ZNF800: variants seen among roughly 807,000 people sequenced by gnomAD.
The protein encoded by ZNF800 is zinc finger protein 800.
ZNF800 carries 13 observed loss-of-function variants against 59.5 expected under a neutral mutation model. The observed-to-expected ratio is 0.22, with a 90% CI of 0.14 to 0.35. The LOEUF is 0.35. Among genes scored for constraint, ZNF800 ranks in the 10% least tolerant of loss-of-function variants. The pLI, the probability that ZNF800 is intolerant of heterozygous loss-of-function variation, is 1.00. For synonymous variants in ZNF800, 266 were observed against 265.7 expected (o/e 1.00, Z -0.01); for missense variants, 621 against 783.7 (o/e 0.79, Z 2.48).
chr7:127,369,612 G>A (rs1217379119), downstream of ZNF800, among the ~76,000 whole-genome samples: 1 of 152,044 alleles, frequency 6.6e-6, no homozygotes, highest in Non-Finnish European at 1.5e-5. Context: ...CAGCTATTAT[G>A]ATAAAATGTT....
chr7:127,350,535 C>A (rs535693306), intron 1 of ZNF800: 1 of 152,238 alleles, frequency 6.6e-6, no homozygotes, highest in East Asian at 1.9e-4. Context: ...TTTAATAGAA[C>A]GAAAGCAGAA....
At chr7:127,383,578 A>G (rs1030572024) in intron 3 of ZNF800, among the ~76,000 whole-genome samples, 1 of 152,212 alleles carries the variant, frequency 6.6e-6, no homozygotes, top group African/African-American at 2.4e-5. Context: ...TTTGTCCCCA[A>G]GTTATACAGT....
At chr7:127,380,259 G>A (rs1326561692) in intron 3 of ZNF800, among the ~76,000 whole-genome samples, 2 of 152,094 alleles carry the variant, frequency 1.3e-5, no homozygotes, top group African/African-American at 4.8e-5. Flanking sequence ...GAACAGAGAA[G>A]ATATTCTTGA....
chr7:127,387,917 A>C (rs1185507236), intron 2 of ZNF800, among the ~76,000 whole-genome samples: 1 of 147,730 alleles, frequency 6.8e-6, no homozygotes, highest in Non-Finnish European at 1.5e-5. Flanking sequence ...ATTAATTAAG[A>C]ACACACACAC....
At chr7:127,381,675 A>C (rs1485605451) in intron 3 of ZNF800, among the ~76,000 whole-genome samples, 1 of 152,116 alleles carries the variant, frequency 6.6e-6, no homozygotes, top group East Asian at 1.9e-4. Context: ...TGGGAACGTA[A>C]CACCAGATGA....
intron 1 of ZNF800, chr7:127,362,997 T>C (rs1368201726): frequency 6.6e-6 from 1 of 152,130 alleles, no homozygotes; most frequent in Admixed American, 6.6e-5. Context: ...AGAGGCAGGA[T>C]GGATAGGCAT....
chr7:127,344,451 A>T (rs775191137), downstream of ZNF800, among the ~76,000 whole-genome samples: 1 of 152,124 alleles, frequency 6.6e-6, no homozygotes, highest in Non-Finnish European at 1.5e-5. Flanking sequence ...TCCCCAAATT[A>T]GTCTATATTG....
intron 5 of ZNF800, chr7:127,372,991 C>T: frequency 1.0e-6 from 1 of 985,196 alleles, no homozygotes; most frequent in Non-Finnish European, 1.2e-6. Context: ...TCAAATTAAA[C>T]CTGTGCAAAG....
At chr7:127,353,564 A>G (rs911786935) in intron 1 of ZNF800, among the ~76,000 whole-genome samples, 2 of 152,212 alleles carry the variant, frequency 1.3e-5, no homozygotes, top group Non-Finnish European at 2.9e-5. Context: ...TTGGAGTCTA[A>G]TAGTATTTTC....
rs955163136 is a variant in ZNF800, at chr7:127,392,110, G to C, written c.-109C>G. The C allele has an allele frequency of 1.3e-5, 5 of 392,958 alleles. No homozygotes were observed. The highest frequency in any genetic ancestry group is 2.2e-5 in the Non-Finnish European group (5 of 222,692). The allele number at this position is 392,958 out of a possible 1,614,324, so 24.3% of individuals were successfully genotyped here. A position where few individuals can be genotyped will look rare whatever the true frequency, so the allele number is the denominator to read the frequency against. ...CGGGCGGAAGGAAGGAAGGCAGGCCGGGCGGCCGCGGGGACAGCCTGGCGT... is the reference window on the plus strand; with the variant it reads ...CGGGCGGAAGGAAGGAAGGCAGGCCCGGCGGCCGCGGGGACAGCCTGGCGT... On this transcript the variant is annotated 5_prime_UTR_variant, in exon 1 of 6. Transcript: ENST00000265827.
exon 2 of ZNF800, chr7:127,347,236 A>G (rs1158007637): frequency 1.3e-5 from 2 of 152,562 alleles, no homozygotes; most frequent in Non-Finnish European, 2.9e-5. Context: ...AGTTACAGGA[A>G]GGAGGGGACT....
At chr7:127,382,391 T>A (rs1801002427) in intron 3 of ZNF800, among the ~76,000 whole-genome samples, 1 of 152,206 alleles carries the variant, frequency 6.6e-6, no homozygotes. Context: ...TAGTACACTT[T>A]TTATCTGCTA....
At chr7:127,380,275 A>ACCGC (rs1460870076) in intron 3 of ZNF800, among the ~76,000 whole-genome samples, 3 of 152,150 alleles carry the variant, frequency 2.0e-5, no homozygotes. Context: ...CTTGATGCTC[A>ACCGC]CCGCTACCCC....
chr7:127,365,422 T>C (rs912169013), downstream of ZNF800, among the ~76,000 whole-genome samples: 3 of 152,156 alleles, frequency 2.0e-5, no homozygotes, highest in African/African-American at 4.8e-5. Context: ...GCCTTCCTTC[T>C]TTCTTCATCA....
chr7:127,392,178 C>G lies in ZNF800; in HGVS notation c.-177G>C, dbSNP rs1407167820. The stretch of plus-strand genomic sequence containing the variant: ...CCCACCTGGCGCAGCCTCCGCTGAC[C>G]ACGCGGGGGAACCCGGACTCGGGCC... On this transcript the variant is annotated 5_prime_UTR_variant, in exon 1 of 6. Transcript: ENST00000265827. 1 of 394,952 alleles carries G rather than the reference C, an allele frequency of 2.5e-6. No individual in the cohort carries two copies. Among genetic ancestry groups the G allele is most frequent in the Non-Finnish European group, 4.5e-6 (1 of 223,624 alleles). The allele number at this position is 394,952 out of a possible 1,614,324, so 24.5% of individuals were successfully genotyped here.
Position 127,374,942 on chromosome 7 carries a change from T to G in ZNF800, c.394A>C (p.Lys132Gln). Reference protein sequence around the residue: ...PSVDKREYIIKLEPIETNQNA... With the variant: ...PSVDKREYIIQLEPIETNQNA... ...TGATTAGTTTCTATGGGTTCTAGCT[T>G]AATAATATATTCTCGTTTGTCCACA... The change falls in exon 5 of 6, where the codon AAG (lysine) becomes CAG (glutamine). Residue 132 changes from lysine to glutamine, a missense_variant. Transcript: ENST00000265827. 1 of 1,613,698 alleles carries G rather than the reference T, an allele frequency of 6.2e-7. No individual in the cohort carries two copies. The highest frequency in any genetic ancestry group is 8.5e-7 in the Non-Finnish European group (1 of 1,179,816).
downstream of ZNF800, among the ~76,000 whole-genome samples, chr7:127,343,783 A>G (rs1446489613): frequency 6.6e-6 from 1 of 152,072 alleles, no homozygotes; most frequent in Admixed American, 6.5e-5. Context: ...AAAAACCACC[A>G]TTATTTAACA....
chr7:127,359,012 T>C (rs1800340385), intron 1 of ZNF800, among the ~76,000 whole-genome samples: 1 of 152,122 alleles, frequency 6.6e-6, no homozygotes, highest in African/African-American at 2.4e-5. Context: ...TTCTATTCAA[T>C]AAAGTGTGCT....
chr7:127,391,348 C>A, intron 2 of ZNF800, 149 bp downstream of exon 2: 1 of 751,672 alleles, frequency 1.3e-6, no homozygotes, highest in African/African-American at 1.8e-5. Flanking sequence ...TTTGTACAAG[C>A]TTTTAGCTTC....
Sources: gnomAD v4.1 joint callset for allele counts (sites outside exome capture counted in the v4.1 genomes callset) on GRCh38, gnomAD v4.1.1 for gene constraint, MANE v1.5 for transcripts, NCBI Gene and HGNC (gene_info 2026-07-23, HGNC 2026-07-21) for gene names.